Variants in CDH8 observed in about 807,000 individuals in gnomAD.
The protein encoded by CDH8 is cadherin-8.
A neutral mutation model predicts 68.1 loss-of-function variants in CDH8; 17 were observed. The ratio of observed to expected loss-of-function variants is 0.25; its 90% CI spans 0.17 to 0.37. The LOEUF (loss-of-function observed/expected upper bound fraction) is 0.37, where lower values mean the gene tolerates loss of function less well. CDH8 is among the 10% of genes least tolerant of loss of function. The probability of loss-of-function intolerance (pLI) is 1.00; values close to 1 mark genes in which losing one functional copy is unlikely to be tolerated. For missense variants in CDH8, 763 were observed against 999.3 expected (o/e 0.76, Z 3.19); for synonymous variants, 372 against 365.1 (o/e 1.02, Z -0.21).
At chr16:61,852,455 T>G (rs191855984) in intron 4 of CDH8, among the ~76,000 whole-genome samples, 170 of 152,226 alleles carry the variant, frequency 1.1e-3, no homozygotes, top group Non-Finnish European at 1.9e-3. Flanking sequence ...CCAGAACCTT[T>G]CTATCTCCTT....
At chr16:61,762,763 T>C (rs1443762361) in intron 8 of CDH8, among the ~76,000 whole-genome samples, 1 of 152,188 alleles carries the variant, frequency 6.6e-6, no homozygotes, top group East Asian at 1.9e-4. Flanking sequence ...ATTAAATGTG[T>C]ATTATATATG....
chr16:61,789,563 G>T, intron 7 of CDH8, 81 bp from the exon 8 acceptor site: 1 of 1,284,706 alleles, frequency 7.8e-7, no homozygotes, highest in Non-Finnish European at 1.0e-6. Flanking sequence ...GTAATCCTTG[G>T]AGAGCCATAT....
At chr16:61,833,410 T>C (rs1298480292) in intron 4 of CDH8, among the ~76,000 whole-genome samples, 1 of 151,798 alleles carries the variant, frequency 6.6e-6, no homozygotes, top group Non-Finnish European at 1.5e-5. Context: ...CACATACATA[T>C]ATACACATGT....
chr16:61,995,539 G>A (rs922370819), intron 2 of CDH8, among the ~76,000 whole-genome samples: 7 of 151,998 alleles, frequency 4.6e-5, no homozygotes, highest in Admixed American at 6.6e-5. Context: ...CACAATGCCC[G>A]GCTAATTTTT....
chr16:61,742,530 T>C (rs1440678284), intron 8 of CDH8, among the ~76,000 whole-genome samples: 1 of 152,176 alleles, frequency 6.6e-6, no homozygotes, highest in East Asian at 1.9e-4. Context: ...ATTTCTAGTG[T>C]GCAAAGAAAT....
chr16:61,770,783 G>A (rs1211075230), intron 8 of CDH8, among the ~76,000 whole-genome samples: 1 of 151,892 alleles, frequency 6.6e-6, no homozygotes, highest in Non-Finnish European at 1.5e-5. Context: ...TGTAACTGTA[G>A]TTCAAAAGTT....
intron 5 of CDH8, among the ~76,000 whole-genome samples, chr16:61,822,956 C>T (rs973322938): frequency 2.0e-5 from 3 of 151,820 alleles, no homozygotes; most frequent in Non-Finnish European, 2.9e-5. Context: ...AAAAGGCACA[C>T]GTTTGAAATT....
At chr16:61,907,139 A>G (rs965959450) in intron 2 of CDH8, among the ~76,000 whole-genome samples, 3 of 152,184 alleles carry the variant, frequency 2.0e-5, no homozygotes, top group Non-Finnish European at 4.4e-5. Context: ...TAATCCTAGG[A>G]CAACAGCACC....
intron 4 of CDH8, among the ~76,000 whole-genome samples, chr16:61,829,525 C>T (rs897867643): frequency 2.0e-5 from 3 of 151,816 alleles, no homozygotes; most frequent in Non-Finnish European, 2.9e-5. Context: ...TAATGTACTG[C>T]GGTCCAGGCC....
At position 61,811,263 on chromosome 16, in the gene CDH8, G is replaced by A. The variant is rs200203727; in HGVS notation, c.1277+6216C>T. On this transcript the variant is annotated intron_variant, in intron 7 of 11. Coordinates refer to ENST00000577390, the MANE Select transcript of CDH8 (RefSeq NM_001796.5). The stretch of plus-strand genomic sequence containing the variant: ...AATGAATGAATGAGTTTCTGAATAT[G>A]TGACTTAATGAATTAATTACCATTA... 5.3e-5 allele frequency among the ~76,000 whole-genome samples: 8 copies of A among 152,266 alleles called. No individual in the cohort carries two copies. In the East Asian group the frequency reaches 9.7e-4, roughly 18 times the overall value.
At chr16:61,838,697 C>A (rs1371166842) in intron 4 of CDH8, among the ~76,000 whole-genome samples, 1 of 152,074 alleles carries the variant, frequency 6.6e-6, no homozygotes, top group Non-Finnish European at 1.5e-5. Context: ...GAACAAAATA[C>A]CATCTGTAGA....
intron 7 of CDH8, among the ~76,000 whole-genome samples, chr16:61,811,199 C>G (rs1339660286): frequency 6.6e-6 from 1 of 151,832 alleles, no homozygotes; most frequent in African/African-American, 2.4e-5. Flanking sequence ...AAATGTCAGT[C>G]AAAATATATA....
At chr16:61,799,272 G>T (rs1251852249) in intron 7 of CDH8, among the ~76,000 whole-genome samples, 1 of 152,090 alleles carries the variant, frequency 6.6e-6, no homozygotes, top group Non-Finnish European at 1.5e-5. Context: ...GTTGACAAAC[G>T]CTAATAGGTA....
intron 10 of CDH8, chr16:61,692,204 G>A (rs754778264): frequency 3.3e-5 from 5 of 152,198 alleles, no homozygotes; most frequent in African/African-American, 4.8e-5. Flanking sequence ...GAATTTCAAT[G>A]CCCTAATGCA....
chr16:61,787,117 G>A (rs936344739), intron 8 of CDH8, among the ~76,000 whole-genome samples: 6 of 151,368 alleles, frequency 4.0e-5, no homozygotes, highest in Non-Finnish European at 8.9e-5. Context: ...AAGAGCTTCT[G>A]CACAGCAAAA....
At position 61,653,000 on chromosome 16, in the gene CDH8, C is replaced by T. The variant is rs141542119; in HGVS notation, c.*608G>A. The T allele has an allele frequency of 8.9e-6, 13 of 1,456,258 alleles. No homozygotes were observed. The highest frequency in any genetic ancestry group is 5.1e-5 in the East Asian group (2 of 39,100). The allele number at this position is 1,456,258 out of a possible 1,614,324, so 90.2% of individuals were successfully genotyped here. A position where few individuals can be genotyped will look rare whatever the true frequency, so the allele number is the denominator to read the frequency against. ...ACGAACATGTGAATATTTTAAGGCTCGACACAATATTTAAAGATGCTATTC... is the reference window on the plus strand; with the variant it reads ...ACGAACATGTGAATATTTTAAGGCTTGACACAATATTTAAAGATGCTATTC... On this transcript the variant is annotated 3_prime_UTR_variant, in exon 12 of 12. Transcript: ENST00000577390.
rs191850079 is a variant in CDH8, at chr16:62,024,453, T to C, written c.-199-2851A>G. ...TGCTAATGACTCTAGGATAAGAAAATTTCATCTAAATTTAAATTCATAATA... is the reference window on the plus strand; with the variant it reads ...TGCTAATGACTCTAGGATAAGAAAACTTCATCTAAATTTAAATTCATAATA... On this transcript the variant is annotated intron_variant, in intron 1 of 11. Transcript: ENST00000577390. Among the ~76,000 whole-genome samples, 221 of 151,680 alleles carry C rather than the reference T, an allele frequency of 1.5e-3. 2 individuals carry two copies. Among genetic ancestry groups the C allele is most frequent in the Non-Finnish European group, 2.4e-3 (160 of 67,942 alleles).
At chr16:61,795,889 G>T (rs371539761) in intron 7 of CDH8, among the ~76,000 whole-genome samples, 9 of 152,008 alleles carry the variant, frequency 5.9e-5, no homozygotes, top group East Asian at 3.9e-4. Flanking sequence ...CTTACCTACA[G>T]GAGCCTTTTA....
chr16:61,690,345 G>A (rs1964194185), intron 10 of CDH8, among the ~76,000 whole-genome samples: 2 of 152,070 alleles, frequency 1.3e-5, no homozygotes, highest in South Asian at 2.1e-4. Context: ...TAGAATAACT[G>A]GGCAGAGTGG....
Sources: gnomAD v4.1 joint callset for allele counts (sites outside exome capture counted in the v4.1 genomes callset) on GRCh38, gnomAD v4.1.1 for gene constraint, MANE v1.5 for transcripts, NCBI Gene and HGNC (gene_info 2026-07-23, HGNC 2026-07-21) for gene names.